Variants in KLKB1 observed in about 807,000 individuals in gnomAD.
The protein encoded by KLKB1 is kallikrein B1.
Under a neutral mutation model 73.6 loss-of-function variants are expected in KLKB1, and 58 were observed. The observed-to-expected ratio is 0.79, with a 90% CI of 0.64 to 0.98. The LOEUF (loss-of-function observed/expected upper bound fraction) is 0.98. KLKB1 is among the 50% of genes least tolerant of loss of function. The probability of loss-of-function intolerance (pLI) is 0.00; values close to 1 mark genes in which losing one functional copy is unlikely to be tolerated. For synonymous variants in KLKB1, 280 were observed against 258.1 expected (o/e 1.08, Z -0.81); for missense variants, 737 against 763.8 (o/e 0.96, Z 0.41).
intron 4 of KLKB1, among the ~76,000 whole-genome samples, chr4:186,234,759 A>G (rs549257828): frequency 6.0e-4 from 91 of 152,188 alleles, no homozygotes; most frequent in Non-Finnish European, 1.3e-3. Context: ...GAAGCTACTG[A>G]TGTCTTGGGA....
chr4:186,254,840 A>C (rs1396872393), intron 12 of KLKB1, 77 bp downstream of exon 12: 5 of 1,266,012 alleles, frequency 3.9e-6, no homozygotes, highest in Non-Finnish European at 4.5e-6. Flanking sequence ...ACAAGAGGGC[A>C]GACCTAGAGA....
chr4:186,232,868 T>C (rs1211914814), intron 3 of KLKB1, among the ~76,000 whole-genome samples: 1 of 152,136 alleles, frequency 6.6e-6, no homozygotes, highest in Admixed American at 6.5e-5. Flanking sequence ...TGTGTGAATA[T>C]GTATTATTAA....
Position 186,245,402 on chromosome 4 carries a change from CA to C in KLKB1, c.599-4840del, listed in dbSNP as rs148206965. The stretch of plus-strand genomic sequence containing the variant: ...CGCTAAGCCAAGAAGATCTGGGAAG[CA>C]GTCAGTCAGAGAGCCTTGGGCCAGA... On this transcript the variant is annotated intron_variant, in intron 6 of 14. Coordinates refer to ENST00000264690, the MANE Select transcript of KLKB1 (RefSeq NM_000892.5). 3.7e-3 allele frequency among the ~76,000 whole-genome samples: 564 copies of C among 152,312 alleles called. 31 individuals carry two copies. In the East Asian group the frequency reaches 0.097, roughly 26 times the overall value.
chr4:186,251,018 C>G, intron 7 of KLKB1: 1 of 562,928 alleles, frequency 1.8e-6, no homozygotes, highest in Non-Finnish European at 3.1e-6. Flanking sequence ...TATTAGTTTT[C>G]TCCAGAGGGA....
chr4:186,240,733 G>A (rs1158964188), intron 6 of KLKB1, among the ~76,000 whole-genome samples: 1 of 152,186 alleles, frequency 6.6e-6, no homozygotes, highest in Non-Finnish European at 1.5e-5. Context: ...CTTTGCGACA[G>A]CACACCTTCT....
chr4:186,219,860 G>T (rs997009370), intron 2 of KLKB1, among the ~76,000 whole-genome samples: 1 of 151,990 alleles, frequency 6.6e-6, no homozygotes, highest in African/African-American at 2.4e-5. Context: ...TTGCCTGAAG[G>T]GATCTCCTGT....
intron 2 of KLKB1, chr4:186,211,868 T>A (rs1736734314): frequency 6.6e-6 from 1 of 152,216 alleles, no homozygotes; most frequent in Admixed American, 6.5e-5. Context: ...TGTTACAGTT[T>A]TTCTTTTGAT....
intron 11 of KLKB1, among the ~76,000 whole-genome samples, chr4:186,253,931 G>A (rs1580039242): frequency 6.6e-6 from 1 of 152,276 alleles, no homozygotes; most frequent in African/African-American, 2.4e-5. Context: ...TGCCTCCCGG[G>A]TTCAAGCGAT....
intron 2 of KLKB1, among the ~76,000 whole-genome samples, chr4:186,216,146 A>T (rs981798002): frequency 2.0e-5 from 3 of 152,214 alleles, no homozygotes; most frequent in Admixed American, 1.3e-4. Flanking sequence ...TGTGACTTTC[A>T]TGTGAGGATG....
chr4:186,257,983 G>A (rs759801851), intron 14 of KLKB1, 38 bp from the exon 15 acceptor site: 35 of 1,591,192 alleles, frequency 2.2e-5, no homozygotes, highest in East Asian at 4.5e-5. Context: ...TCCCATTGTC[G>A]TAACTTTCTA....
intron 5 of KLKB1, among the ~76,000 whole-genome samples, chr4:186,237,285 G>A (rs935832488): frequency 2.0e-5 from 3 of 152,084 alleles, no homozygotes; most frequent in African/African-American, 7.2e-5. Context: ...TTTTAGTAGA[G>A]TCGGGGTTTT....
chr4:186,224,800 A>G (rs1190826734), upstream of KLKB1, among the ~76,000 whole-genome samples: 1 of 152,196 alleles, frequency 6.6e-6, no homozygotes, highest in African/African-American at 2.4e-5. Flanking sequence ...TGAAAAGGAC[A>G]TGAGATTTGG....
chr4:186,256,664 G>A (rs1157715444), intron 13 of KLKB1, among the ~76,000 whole-genome samples: 3 of 152,180 alleles, frequency 2.0e-5, no homozygotes, highest in African/African-American at 7.2e-5. Flanking sequence ...TTCTCCATGA[G>A]AGATGCTGGC....
intron 6 of KLKB1, among the ~76,000 whole-genome samples, chr4:186,241,991 G>A (rs1046092883): frequency 3.9e-5 from 6 of 152,118 alleles, no homozygotes; most frequent in Admixed American, 3.9e-4. Context: ...CCACTAAACA[G>A]GCTTTGTGTG....
chr4:186,244,763 T>G (rs1206922929), intron 6 of KLKB1, among the ~76,000 whole-genome samples: 1 of 152,020 alleles, frequency 6.6e-6, no homozygotes, highest in Non-Finnish European at 1.5e-5. Flanking sequence ...AATGGGGGAA[T>G]TGTAAGGAGA....
At chr4:186,254,883 G>A (rs1703286221) in intron 12 of KLKB1, 120 bp downstream of exon 12, 1 of 849,766 alleles carries the variant, frequency 1.2e-6, no homozygotes, top group African/African-American at 1.7e-5. Flanking sequence ...GTGGAGTTGA[G>A]GGAAACGTGA....
chr4:186,255,057 C>G (rs1738922476), intron 12 of KLKB1, among the ~76,000 whole-genome samples: 1 of 152,188 alleles, frequency 6.6e-6, no homozygotes, highest in African/African-American at 2.4e-5. Context: ...ACTGGGCTTG[C>G]TTTGACAAGA....
At chr4:186,236,305 C>G (rs1270616599) in intron 4 of KLKB1, among the ~76,000 whole-genome samples, 4 of 152,156 alleles carry the variant, frequency 2.6e-5, no homozygotes, top group Non-Finnish European at 4.4e-5. Flanking sequence ...AATGATTGAT[C>G]TGGATGCAAT....
chr4:186,227,474 G>C (rs1236446893), upstream of KLKB1: 3 of 152,182 alleles, frequency 2.0e-5, no homozygotes, highest in African/African-American at 7.2e-5. Flanking sequence ...GAAACCCAAA[G>C]TCAATATTGA....
Sources: allele counts gnomAD v4.1 joint callset (sites outside exome capture counted in the v4.1 genomes callset), GRCh38; gene constraint gnomAD v4.1.1; transcripts MANE v1.5; gene names NCBI Gene and HGNC (gene_info 2026-07-23, HGNC 2026-07-21).